The following TIAM1 variants were observed in gnomAD, a reference collection of about 807,000 sequenced individuals.
TIAM1 encodes the protein TIAM Rac1 associated GEF 1.
Under a neutral mutation model 163.5 loss-of-function variants are expected in TIAM1, and 65 were observed. The ratio of observed to expected loss-of-function variants is 0.40; its 90% confidence interval spans 0.33 to 0.49. TIAM1 has a LOEUF of 0.49. Among genes scored for constraint, TIAM1 ranks in the 20% least tolerant of loss-of-function variants. The pLI is 0.77. For synonymous variants in TIAM1, 833 were observed against 810.1 expected (o/e 1.03, Z -0.48); for missense variants, 1,789 against 2,044.7 (o/e 0.87, Z 2.41).
At position 31,251,955 on chromosome 21, in the gene TIAM1, T is replaced by G; in HGVS notation, c.1198A>C (p.Ser400Arg). The change falls in exon 5 of 28, where the codon AGC (serine) becomes CGC (arginine). Residue 400 changes from serine to arginine, a missense_variant. By Grantham distance (110) the Ser-to-Arg change is moderately radical. Transcript: ENST00000541036. Reference sequence around the variant, plus strand: ...TGCGCCGAGCCGGCCTCCTCCAGGCTCTCGCTGTTGGTGGTGCTCATCTCC... The same window carrying G: ...TGCGCCGAGCCGGCCTCCTCCAGGCGCTCGCTGTTGGTGGTGCTCATCTCC... ...ELEMSTTNSESLEEAGSAHSD... is the reference protein window; with the variant it reads ...ELEMSTTNSERLEEAGSAHSD... 6.2e-7 allele frequency: 1 copy of G among 1,613,940 alleles called. No homozygotes were observed. The highest frequency in any genetic ancestry group is 8.5e-7 in the Non-Finnish European group (1 of 1,179,922).
chr21:31,313,025 C>G (rs946631243), intron 2 of TIAM1, among the ~76,000 whole-genome samples: 1 of 152,208 alleles, frequency 6.6e-6, no homozygotes, highest in Non-Finnish European at 1.5e-5. Flanking sequence ...ACGGCAGCTA[C>G]TCACCTGCCT....
At chr21:31,343,706 T>TG (rs1308174345) in intron 1 of TIAM1, among the ~76,000 whole-genome samples, 4 of 152,128 alleles carry the variant, frequency 2.6e-5, no homozygotes, top group Non-Finnish European at 5.9e-5. Context: ...TCTTTTTCAA[T>TG]GGCACTGACC....
At chr21:31,300,801 C>A (rs1179877229) in intron 2 of TIAM1, among the ~76,000 whole-genome samples, 1 of 152,212 alleles carries the variant, frequency 6.6e-6, no homozygotes, top group Non-Finnish European at 1.5e-5. Flanking sequence ...TGCTCCAGAA[C>A]TTATCAGAAA....
chr21:31,292,419 G>T lies in TIAM1; in HGVS notation c.-188-15511C>A, dbSNP rs149406415. Among the ~76,000 whole-genome samples the T allele has an allele frequency of 4.3e-3, 643 of 150,854 alleles. 2 individuals are homozygous for T. The highest frequency in any genetic ancestry group is 0.015 in the African/African-American group (606 of 40,994). On this transcript the variant is annotated intron_variant, in intron 2 of 27. Transcript: ENST00000541036. ...GAGTCTTGCTCTGTGGCCTAGGCTG[G>T]AGTGCAGTGATGCGATCTCGGCTCA...
At position 31,307,777 on chromosome 21, in the gene TIAM1, G is replaced by A. The variant is rs139424972; in HGVS notation, c.-188-30869C>T. Among the ~76,000 whole-genome samples, 915 of 152,200 alleles carry A rather than the reference G, an allele frequency of 6.0e-3. 12 individuals carry two copies. Among genetic ancestry groups the A allele is most frequent in the African/African-American group, 0.021 (861 of 41,518 alleles). On this transcript the variant is annotated intron_variant, in intron 2 of 27. Coordinates refer to ENST00000541036, the MANE Select transcript of TIAM1 (RefSeq NM_001353694.2). Reference sequence around the variant, plus strand: ...GAGAGGGGCCATTATCTCATTAGACGGTACAGGCTCCATCCTGTTCAGGAA... The same window carrying A: ...GAGAGGGGCCATTATCTCATTAGACAGTACAGGCTCCATCCTGTTCAGGAA...
At chr21:31,247,898 G>T (rs954920458) in intron 5 of TIAM1, among the ~76,000 whole-genome samples, 6 of 152,106 alleles carry the variant, frequency 3.9e-5, no homozygotes, top group Non-Finnish European at 1.5e-5. Flanking sequence ...GAGAGACAAA[G>T]AAATAACAAA....
chr21:31,154,292 G>C lies in TIAM1; in HGVS notation c.3126C>G (p.Arg1042=). 6.2e-7 allele frequency: 1 copy of C among 1,614,128 alleles called. No homozygotes were observed. Among genetic ancestry groups the C allele is most frequent in the Non-Finnish European group, 8.5e-7 (1 of 1,180,020 alleles). The part of the protein sequence containing the change: ...MRQLSDADKL[R]KVICELLETE... ...TCTCCAGGAGCTCGCAGATCACCTT[G>C]CGCAGCTTATCTGCATCCGAGAGTT... The change falls in exon 17 of 28, where the codon CGC becomes CGG. Residue 1042 remains arginine (R), a synonymous_variant. Coordinates refer to ENST00000541036, the MANE Select transcript of TIAM1 (RefSeq NM_001353694.2).
intron 1 of TIAM1, among the ~76,000 whole-genome samples, chr21:31,553,210 GGA>G (rs1005264879): frequency 1.3e-5 from 2 of 152,194 alleles, no homozygotes; most frequent in African/African-American, 4.8e-5. Flanking sequence ...GGCATGAGGA[GGA>G]GTGTCCTGGG....
chr21:31,327,614 C>A (rs1426296864), intron 2 of TIAM1, among the ~76,000 whole-genome samples: 2 of 121,032 alleles, frequency 1.7e-5, no homozygotes, highest in Non-Finnish European at 3.2e-5. Flanking sequence ...GCACTCCAGC[C>A]TGGGCAACAG....
chr21:31,228,245 A>ATCTG (rs774208885), intron 6 of TIAM1, among the ~76,000 whole-genome samples: 19 of 67,114 alleles, frequency 2.8e-4, no homozygotes, highest in African/African-American at 6.5e-4. Flanking sequence ...AAAAAAAAAA[A>ATCTG]AAAAAAAAAA....
intron 20 of TIAM1, among the ~76,000 whole-genome samples, chr21:31,142,026 C>T (rs777983816): frequency 3.3e-5 from 5 of 152,080 alleles, no homozygotes; most frequent in African/African-American, 4.8e-5. Flanking sequence ...ATCTCGGCTT[C>T]GAGTGCACCA....
At position 31,259,629 on chromosome 21, in the gene TIAM1, A is replaced by AAATAATAATAATAAT. The variant is rs61401734; in HGVS notation, c.963+6366_963+6380dup. Reference sequence around the variant, plus strand: ...ACAGCAAGACCTGTCTAAAAAAATAAAATAATAATAATAATAATAATAATA... The same window carrying AAATAATAATAATAAT: ...ACAGCAAGACCTGTCTAAAAAAATAAAATAATAATAATAATAATAATAATAATAATAATAATAATA... On this transcript the variant is annotated intron_variant, in intron 4 of 27. Transcript: ENST00000541036. Among the ~76,000 whole-genome samples, 278 of 146,262 alleles carry AAATAATAATAATAAT rather than the reference A, an allele frequency of 1.9e-3. 2 individuals carry two copies. The highest frequency in any genetic ancestry group is 7.9e-3 in the East Asian group (39 of 4,908).
At chr21:31,473,446 A>C (rs1473476972) in intron 1 of TIAM1, among the ~76,000 whole-genome samples, 57 of 84,466 alleles carry the variant, frequency 6.7e-4, no homozygotes, top group African/African-American at 2.7e-3. Flanking sequence ...AAAAAAAAAA[A>C]AAAAAAAAAA....
chr21:31,161,264 C>T (rs535309156), intron 16 of TIAM1, among the ~76,000 whole-genome samples: 1 of 152,148 alleles, frequency 6.6e-6, no homozygotes, highest in Admixed American at 6.5e-5. Context: ...GAATGCATGA[C>T]ACATGACCGC....
chr21:31,269,657 C>CT (rs1399407044), intron 3 of TIAM1, among the ~76,000 whole-genome samples: 2 of 147,750 alleles, frequency 1.4e-5, no homozygotes, highest in Non-Finnish European at 3.0e-5. Context: ...AGTTGGTGAA[C>CT]TTTAAGTTTG....
intron 2 of TIAM1, among the ~76,000 whole-genome samples, chr21:31,419,450 A>G (rs1039826769): frequency 6.6e-6 from 1 of 152,180 alleles, no homozygotes; most frequent in African/African-American, 2.4e-5. Context: ...CCTCCCCAAG[A>G]TCTTGATCCT....
intron 20 of TIAM1, among the ~76,000 whole-genome samples, chr21:31,146,490 C>T (rs2083121748): frequency 6.6e-6 from 1 of 150,858 alleles, no homozygotes. Flanking sequence ...GCGGGTGGAT[C>T]ACCTGAGGTC....
rs78503684 is a variant in TIAM1, at chr21:31,367,847, A to G, written c.-368-28425T>C. On this transcript the variant is annotated intron_variant, in intron 2 of 28. Coordinates refer to the TIAM1 transcript ENST00000286827. ...ACTAAATTATAATATTTTAACTTCA[A>G]ATGACGTCTAACTTGGAATCACGTA... is the stretch of plus-strand genomic sequence containing the variant. Among the ~76,000 whole-genome samples the G allele has an allele frequency of 1.4e-4, 21 of 152,330 alleles. No individual in the cohort carries two copies. The East Asian group carries it at 4.0e-3, about 29-fold the overall frequency.
chr21:31,482,534 A>G (rs994643659), intron 1 of TIAM1, among the ~76,000 whole-genome samples: 1 of 152,168 alleles, frequency 6.6e-6, no homozygotes, highest in Non-Finnish European at 1.5e-5. Context: ...GCCTAGCATG[A>G]GGGAATCAAG....
Sources: allele counts gnomAD v4.1 joint callset (sites outside exome capture counted in the v4.1 genomes callset), GRCh38; gene constraint gnomAD v4.1.1; transcripts MANE v1.5; gene names NCBI Gene and HGNC (gene_info 2026-07-23, HGNC 2026-07-21).